ZBTB32: variants seen among roughly 807,000 people sequenced by gnomAD.
The protein encoded by ZBTB32 is zinc finger and BTB domain containing 32.
Under a neutral mutation model 45.3 loss-of-function variants are expected in ZBTB32, and 28 were observed. That is an observed-to-expected ratio of 0.62 (90% confidence interval 0.46 to 0.85). The LOEUF (loss-of-function observed/expected upper bound fraction) is 0.85. Ranked by LOEUF, ZBTB32 falls within the 40% of genes least tolerant of loss-of-function variation. The pLI is 0.00. For synonymous variants in ZBTB32, 283 were observed against 255.7 expected (o/e 1.11, Z -1.02); for missense variants, 587 against 624.4 (o/e 0.94, Z 0.64).
chr19:35,711,975 A>G (rs1968709854), intron 1 of ZBTB32, among the ~76,000 whole-genome samples: 2 of 134,968 alleles, frequency 1.5e-5, no homozygotes, highest in Admixed American at 1.6e-4. Flanking sequence ...CAGTGAGCTG[A>G]GATTGCGCCA....
chr19:35,712,695 A>G (rs762278648), intron 1 of ZBTB32, among the ~76,000 whole-genome samples: 1 of 152,132 alleles, frequency 6.6e-6, no homozygotes, highest in Non-Finnish European at 1.5e-5. Context: ...GCCCAAGAAA[A>G]GGAGATTTTT....
rs1012982941 is a variant in ZBTB32 at position 35,715,352 on chromosome 19, C to G, written c.726C>G (p.Ser242Arg). The G allele has an allele frequency of 6.2e-7, 1 of 1,610,382 alleles. No individual in the cohort carries two copies. Among genetic ancestry groups the G allele is most frequent in the African/African-American group, 1.3e-5 (1 of 74,698 alleles). ...CCCCAGCAGGCTCCCTGCAAACCAGCGTCACCCCTAGGCCCTCGTGGGCTG... is the reference window on the plus strand; with the variant it reads ...CCCCAGCAGGCTCCCTGCAAACCAGGGTCACCCCTAGGCCCTCGTGGGCTG... ...PLPPAGSLQT[S>R]VTPRPSWAEA... is the part of the protein sequence containing the mutation. Residue 242 changes from serine to arginine, a missense_variant, in exon 3 of 7, where the codon AGC becomes AGG. By Grantham distance (110) the Ser-to-Arg change is moderately radical. Coordinates refer to ENST00000392197, the MANE Select transcript of ZBTB32 (RefSeq NM_014383.3).
chr19:35,714,531 T>G lies in ZBTB32; in HGVS notation c.-96T>G. ...TCCCCTCACATCCACAGGCTTGAAA[T>G]GAGATGAGATGTTCCTCCCTCCCCT... is the stretch of plus-strand genomic sequence containing the variant. On this transcript the variant is annotated 5_prime_UTR_variant, in exon 3 of 7. It removes an upstream start codon present in the reference 5' UTR. Transcript: ENST00000392197. 11 of 1,323,028 alleles carry G rather than the reference T, an allele frequency of 8.3e-6. No individual in the cohort carries two copies. Among genetic ancestry groups the G allele is most frequent in the Non-Finnish European group, 1.1e-5 (11 of 990,254 alleles). The allele number at this position is 1,323,028 out of a possible 1,614,324, so 82.0% of individuals were successfully genotyped here.
In ZBTB32 at chr19:35,716,119, C is replaced by G; in HGVS notation, c.1025-14C>G. 8 of 1,613,240 alleles carry G rather than the reference C, an allele frequency of 5.0e-6. No homozygotes were observed. The highest frequency in any genetic ancestry group is 6.8e-6 in the Non-Finnish European group (8 of 1,179,708). On this transcript the variant is annotated splice_polypyrimidine_tract_variant and intron_variant, in intron 5 of 6. Coordinates refer to ENST00000392197, the MANE Select transcript of ZBTB32 (RefSeq NM_014383.3). Reference sequence around the variant, plus strand: ...TCCTGGCCCTGCCCTCCTTTGCCTTCTCTGTCCCCACAGGCGCACTTGCAA... The same window carrying G: ...TCCTGGCCCTGCCCTCCTTTGCCTTGTCTGTCCCCACAGGCGCACTTGCAA...
Position 35,714,968 on chromosome 19 carries a change from G to T in ZBTB32, c.342G>T (p.Gly114=), listed in dbSNP as rs763333447. The T allele has an allele frequency of 1.3e-6, 2 of 1,597,210 alleles. No homozygotes were observed. The highest frequency in any genetic ancestry group is 2.2e-5 in the South Asian group (2 of 89,312). ...AAGAGGCATGCTGGAGGGCTCGAGG[G>T]GACAGGGCTAAAAAGCCAGATCCAG... ...SLEEACWRAR[G]DRAKKPDPGL... Residue 114 remains glycine, a synonymous_variant, in exon 3 of 7, where the codon GGG becomes GGT. Transcript: ENST00000392197.
chr19:35,715,777 C>T lies in ZBTB32; in HGVS notation c.902C>T (p.Ala301Val), dbSNP rs750970207. 2 of 1,613,088 alleles carry T rather than the reference C, an allele frequency of 1.2e-6. No homozygotes were observed. Among genetic ancestry groups the T allele is most frequent in the South Asian group, 2.2e-5 (2 of 90,988 alleles). Residue 301 changes from alanine (A) to valine (V), a missense_variant, in exon 4 of 7, where the codon GCC (alanine) becomes GTC (valine). Physicochemically the swap from Ala to Val is moderately conservative, Grantham distance 64 (BLOSUM62 0). Coordinates refer to ENST00000392197, the MANE Select transcript of ZBTB32 (RefSeq NM_014383.3). Reference protein sequence around the residue: ...REQRIPLSLNAPKGLWSQNQL... With the variant: ...REQRIPLSLNVPKGLWSQNQL... The stretch of plus-strand genomic sequence containing the variant: ...CCCAGGATCCCACTGTCCCTAAATG[C>T]CCCCAAAGGGCTCTGGAGCCAGAAC...
In ZBTB32 at chr19:35,717,035, T is replaced by C. The variant is rs994056620; in HGVS notation, c.*283T>C. ...AATAAAGAGTTTCCTGTGCCCTCCCTTCAGGACTAGAAAGCCGAGTTTAGT... is the reference window on the plus strand; with the variant it reads ...AATAAAGAGTTTCCTGTGCCCTCCCCTCAGGACTAGAAAGCCGAGTTTAGT... On this transcript the variant is annotated 3_prime_UTR_variant, in exon 7 of 7. Transcript: ENST00000392197. 1.3e-5 allele frequency: 6 copies of C among 468,080 alleles called. No individual in the cohort carries two copies. Among genetic ancestry groups the C allele is most frequent in the African/African-American group, 2.0e-5 (1 of 51,280 alleles). 29.0% of individuals were successfully genotyped at this position (468,080 alleles called of 1,614,324 possible). A position where few individuals can be genotyped will look rare whatever the true frequency, so the allele number is the denominator to read the frequency against.
Position 35,710,537 on chromosome 19 carries a change from A to G in ZBTB32, c.-221-2380A>G, listed in dbSNP as rs537360964. 2.6e-5 allele frequency among the ~76,000 whole-genome samples: 4 copies of G among 152,230 alleles called. No individual in the cohort carries two copies. In the South Asian group the frequency reaches 8.3e-4, roughly 32 times the overall value. On this transcript the variant is annotated intron_variant, in intron 1 of 6. Transcript: ENST00000392197. ...TGTAATCCCAGCAGTGGATCACCTG[A>G]GGTTAGGAGTTCGAGACCAGCCTGG... is the stretch of plus-strand genomic sequence containing the variant.
rs1968823765 is a variant in ZBTB32, at chr19:35,715,126, A to C, written c.500A>C (p.Lys167Thr). The C allele has an allele frequency of 6.2e-7, 1 of 1,613,904 alleles. No homozygotes were observed. The highest frequency in any genetic ancestry group is 1.3e-5 in the African/African-American group (1 of 74,930). The change falls in exon 3 of 7, where the codon AAG becomes ACG. Residue 167 changes from lysine to threonine, a missense_variant. Lys to Thr is a moderately conservative substitution (Grantham distance 78, BLOSUM62 -1). Transcript: ENST00000392197. ...TGGREQEMLHKHSPPRGRPEM... is the reference protein window; with the variant it reads ...TGGREQEMLHTHSPPRGRPEM... ...GGGAGAGAACAGGAGATGTTGCACA[A>C]GCACTCGCCACCAAGAGGCAGACCC...
At chr19:35,708,985 A>AT (rs952317026) in intron 1 of ZBTB32, among the ~76,000 whole-genome samples, 2 of 151,444 alleles carry the variant, frequency 1.3e-5, no homozygotes, top group South Asian at 2.1e-4. Context: ...CGCCCAGCTA[A>AT]TTTTTTTTAT....
intron 3 of ZBTB32, 93 bp downstream of exon 3, chr19:35,715,600 C>A: frequency 1.3e-6 from 2 of 1,488,832 alleles, no homozygotes; most frequent in South Asian, 2.6e-5. Flanking sequence ...TGCATCTCTA[C>A]TGCACAGTTC....
intron 3 of ZBTB32, 82 bp from the exon 4 acceptor site, chr19:35,715,675 G>T: frequency 6.6e-7 from 1 of 1,505,532 alleles, no homozygotes. Context: ...CCCCGGGGGA[G>T]GACTTGGGAT....
Position 35,705,034 on chromosome 19 carries a change from G to A in ZBTB32, c.-222+411G>A, listed in dbSNP as rs538376629. Among the ~76,000 whole-genome samples, 48 of 152,336 alleles carry A rather than the reference G, an allele frequency of 3.2e-4. 1 individual carries two copies. The highest frequency in any genetic ancestry group is 3.4e-3 in the Middle Eastern group (1 of 294). On this transcript the variant is annotated intron_variant, in intron 1 of 6. Coordinates refer to ENST00000392197, the MANE Select transcript of ZBTB32 (RefSeq NM_014383.3). ...CAAAGGTTATGCAGGGGCTGGGCGC[G>A]GTGGCTCACGCCTGTAATCCCAGCA...
chr19:35,710,137 G>A (rs751980804), intron 1 of ZBTB32, among the ~76,000 whole-genome samples: 97 of 152,106 alleles, frequency 6.4e-4, no homozygotes, highest in Non-Finnish European at 1.2e-3. Context: ...CTTGAACCGG[G>A]AGGCGGAGGT....
chr19:35,707,459 T>A (rs1968575134), intron 1 of ZBTB32, among the ~76,000 whole-genome samples: 2 of 142,994 alleles, frequency 1.4e-5, no homozygotes, highest in African/African-American at 5.2e-5. Flanking sequence ...AACCTCCGCC[T>A]CCCGGGTTTA....
In ZBTB32 at chr19:35,716,791, A is replaced by C; in HGVS notation, c.*39A>C. 1.3e-6 allele frequency: 2 copies of C among 1,571,414 alleles called. No homozygotes were observed. Among genetic ancestry groups the C allele is most frequent in the South Asian group, 2.3e-5 (2 of 88,396 alleles). ...GCGTCTTAGCCAAGAGTCCAATTAA[A>C]GAACGAAAAGCGGGCCGGCTCGGCT... is the stretch of plus-strand genomic sequence containing the variant. On this transcript the variant is annotated 3_prime_UTR_variant, in exon 7 of 7. Transcript: ENST00000392197.
rs1365172853 is a variant in ZBTB32 at position 35,715,055 on chromosome 19, G to T, written c.429G>T (p.Gly143=). 1.9e-6 allele frequency: 3 copies of T among 1,613,686 alleles called. No homozygotes were observed. The Admixed American group carries it at 5.0e-5, about 27-fold the overall frequency. The change falls in exon 3 of 7, where the codon GGG becomes GGT. Residue 143 remains glycine, a synonymous_variant. Transcript: ENST00000392197. ...KPSRNPEREL[G]DPGEKQKPEQ... is the part of the protein sequence containing the mutation. ...CAAGGAATCCTGAGAGAGAACTGGG[G>T]GACCCTGGAGAGAAGCAGAAACCAG...
In ZBTB32 at chr19:35,716,962, G is replaced by A; in HGVS notation, c.*210G>A. 1 of 603,190 alleles carries A rather than the reference G, an allele frequency of 1.7e-6. No individual in the cohort carries two copies. The highest frequency in any genetic ancestry group is 2.8e-5 in the East Asian group (1 of 36,030). The allele number at this position is 603,190 out of a possible 1,614,324, so 37.4% of individuals were successfully genotyped here. A position where few individuals can be genotyped will look rare whatever the true frequency, so the allele number is the denominator to read the frequency against. ...CTACAGAGTGAGGACACTGAAGTGT[G>A]CAGGAGCGAAGGTTAACAGTAGGGG... On this transcript the variant is annotated 3_prime_UTR_variant, in exon 7 of 7. Transcript: ENST00000392197.
chr19:35,707,925 T>C (rs775310810), intron 1 of ZBTB32, among the ~76,000 whole-genome samples: 1 of 152,062 alleles, frequency 6.6e-6, no homozygotes, highest in Non-Finnish European at 1.5e-5. Context: ...GAGGTTGCAC[T>C]GAGCCAAGAT....
Sources: gnomAD v4.1 joint callset for allele counts (sites outside exome capture counted in the v4.1 genomes callset) on GRCh38, gnomAD v4.1.1 for gene constraint, MANE v1.5 for transcripts, NCBI Gene and HGNC (gene_info 2026-07-23, HGNC 2026-07-21) for gene names.